Variants in ENPP7 observed in about 807,000 individuals in gnomAD.
The protein encoded by ENPP7 is ectonucleotide pyrophosphatase/phosphodiesterase 7.
A neutral mutation model predicts 33.6 loss-of-function variants in ENPP7; 39 were observed. The ratio of observed to expected loss-of-function variants is 1.16; its 90% CI spans 0.90 to 1.52. The LOEUF is 1.52. ENPP7 is among the 40% of genes most tolerant of loss of function. ENPP7 has a pLI of 0.00. For missense variants in ENPP7, 594 were observed against 641.0 expected (o/e 0.93, Z 0.79); for synonymous variants, 244 against 274.3 (o/e 0.89, Z 1.09).
Position 79,733,885 on chromosome 17 carries a change from C to T in ENPP7, c.399+232C>T, listed in dbSNP as rs190408846. Among the ~76,000 whole-genome samples the T allele has an allele frequency of 2.0e-4, 30 of 152,288 alleles. 1 individual carries two copies. The highest frequency in any genetic ancestry group is 5.3e-4 in the African/African-American group (22 of 41,554). On this transcript the variant is annotated intron_variant, in intron 2 of 5. Coordinates refer to ENST00000328313, the MANE Select transcript of ENPP7 (RefSeq NM_178543.5). ...CGTCCGGCTCGGCCCATGGACACAG[C>T]CCTGCCCGGTCCTCTCTGGGGGGCC...
At chr17:79,732,109 CAT>C (rs200923031) in intron 1 of ENPP7, among the ~76,000 whole-genome samples, 1 of 82,572 alleles carries the variant, frequency 1.2e-5, no homozygotes, top group Non-Finnish European at 2.4e-5. Flanking sequence ...TATATATATA[CAT>C]ATATATATAC....
chr17:79,740,966 G>A (rs560755530), intron 5 of ENPP7, among the ~76,000 whole-genome samples: 63 of 152,248 alleles, frequency 4.1e-4, no homozygotes, highest in Non-Finnish European at 4.4e-4. Flanking sequence ...GCTGTCTTCT[G>A]TGGCTAGCTT....
chr17:79,734,991 C>T (rs2094292386), intron 2 of ENPP7, 52 bp from the exon 3 acceptor site: 4 of 1,580,322 alleles, frequency 2.5e-6, no homozygotes, highest in Middle Eastern at 3.7e-4. Flanking sequence ...AGGCATGAGA[C>T]AAGGGGCAGC....
chr17:79,734,126 G>A (rs1333530188), intron 2 of ENPP7, among the ~76,000 whole-genome samples: 1 of 152,152 alleles, frequency 6.6e-6, no homozygotes, highest in African/African-American at 2.4e-5. Context: ...GTGGGTTACA[G>A]TATTGACCCA....
chr17:79,737,847 G>A lies in ENPP7; in HGVS notation c.1247-69G>A. ...CGTGGGGACCAACAGAGGACCCCGA[G>A]TTTACTGTGGAGAGGCTGGGGTGAG... On this transcript the variant is annotated intron_variant, in intron 4 of 5. Coordinates refer to ENST00000328313, the MANE Select transcript of ENPP7 (RefSeq NM_178543.5). The surrounding 1 kb of genome is among the most constrained non-coding windows in gnomAD (Gnocchi z 5.5). 6.4e-7 allele frequency: 1 copy of A among 1,569,336 alleles called. No individual in the cohort carries two copies. The highest frequency in any genetic ancestry group is 1.7e-5 in the Admixed American group (1 of 59,638).
chr17:79,736,549 G>A (rs1354472162), intron 3 of ENPP7, among the ~76,000 whole-genome samples: 1 of 147,224 alleles, frequency 6.8e-6, no homozygotes, highest in Non-Finnish European at 1.5e-5. Flanking sequence ...GTGTGTGTGT[G>A]TGTGTGTGTG....
chr17:79,731,417 C>T (rs1555822493), intron 1 of ENPP7, 25 bp downstream of exon 1: 1 of 1,591,562 alleles, frequency 6.3e-7, no homozygotes, highest in East Asian at 2.2e-5. Flanking sequence ...GTGACGGGGC[C>T]TGGGGGTGGG....
At position 79,740,442 on chromosome 17, in the gene ENPP7, C is replaced by T. The variant is rs147908951; in HGVS notation, c.*17-1352C>T. On this transcript the variant is annotated intron_variant, in intron 5 of 5. Transcript: ENST00000328313. Reference sequence around the variant, plus strand: ...AATGCCAGTTTTAAGGTCCTGGTCCCGAGTACTTTCAGCCACAACGCCTGC... The same window carrying T: ...AATGCCAGTTTTAAGGTCCTGGTCCTGAGTACTTTCAGCCACAACGCCTGC... 3.4e-3 allele frequency among the ~76,000 whole-genome samples: 522 copies of T among 152,142 alleles called. 2 individuals are homozygous for T. The highest frequency in any genetic ancestry group is 6.0e-3 in the Non-Finnish European group (406 of 67,994).
In ENPP7 at chr17:79,738,243, C is replaced by G; in HGVS notation, c.*16+181C>G. The G allele has an allele frequency of 3.3e-6, 2 of 603,612 alleles. No individual in the cohort carries two copies. Among genetic ancestry groups the G allele is most frequent in the South Asian group, 3.9e-5 (2 of 50,706 alleles). The allele number at this position is 603,612 out of a possible 1,614,324, so 37.4% of individuals were successfully genotyped here. A position where few individuals can be genotyped will look rare whatever the true frequency, so the allele number is the denominator to read the frequency against. On this transcript the variant is annotated intron_variant, in intron 5 of 5. Transcript: ENST00000328313. The surrounding 1 kb of genome is among the most constrained non-coding windows in gnomAD (Gnocchi z 6.2). ...CACCCCTGAGATCCCGAGGCTGACC[C>G]TTCCAGCCTCTCTGCTCTGGGCTTG...
chr17:79,733,988 A>AG (rs2094290782), intron 2 of ENPP7, among the ~76,000 whole-genome samples: 1 of 152,190 alleles, frequency 6.6e-6, no homozygotes, highest in African/African-American at 2.4e-5. Flanking sequence ...ATTGGGGGTG[A>AG]GGGTCGGACA....
At chr17:79,734,294 C>T (rs1039781682) in intron 2 of ENPP7, among the ~76,000 whole-genome samples, 10 of 152,036 alleles carry the variant, frequency 6.6e-5, no homozygotes, top group South Asian at 2.1e-4. Context: ...CCACTCAAGC[C>T]GGGGTTCCCT....
chr17:79,732,492 G>C (rs2094288359), intron 1 of ENPP7, among the ~76,000 whole-genome samples: 1 of 152,064 alleles, frequency 6.6e-6, no homozygotes, highest in Admixed American at 6.6e-5. Flanking sequence ...CTGGAGGCCA[G>C]AAGGCCAAAC....
At chr17:79,740,085 C>T (rs1053119102) in intron 5 of ENPP7, among the ~76,000 whole-genome samples, 5 of 152,102 alleles carry the variant, frequency 3.3e-5, no homozygotes, top group Admixed American at 6.6e-5. Flanking sequence ...ATCCCAGCTA[C>T]TGGCAGGGAG....
At chr17:79,733,403 C>T in intron 1 of ENPP7, 105 bp from the exon 2 acceptor site, 2 of 1,242,602 alleles carry the variant, frequency 1.6e-6, no homozygotes, top group Non-Finnish European at 1.2e-6. Context: ...ACCCAGCACA[C>T]AGGGAAACCT....
intron 2 of ENPP7, among the ~76,000 whole-genome samples, chr17:79,734,457 C>T (rs921337507): frequency 6.6e-6 from 1 of 150,408 alleles, no homozygotes; most frequent in Admixed American, 6.7e-5. Context: ...AGTGATGAGG[C>T]AGACACTGCG....
chr17:79,736,636 A>G (rs1555823665), intron 3 of ENPP7, among the ~76,000 whole-genome samples: 1 of 151,924 alleles, frequency 6.6e-6, no homozygotes, highest in Non-Finnish European at 1.5e-5. Context: ...TGGAAGAGGT[A>G]GGAAAGAGTC....
In ENPP7 at chr17:79,735,096, G is replaced by T. The variant is rs1273615107; in HGVS notation, c.453G>T (p.Gly151=). 5 of 1,613,040 alleles carry T rather than the reference G, an allele frequency of 3.1e-6. No homozygotes were observed. Among genetic ancestry groups the T allele is most frequent in the Non-Finnish European group, 4.2e-6 (5 of 1,180,038 alleles). The part of the protein sequence containing the change: ...FYPGGNVTYQ[G]VAVTRSRKEG... The stretch of plus-strand genomic sequence containing the variant: ...CGGGCGGGAACGTCACCTACCAAGG[G>T]GTGGCTGTGACGCGGAGCCGGAAAG... Residue 151 remains glycine, a synonymous_variant, in exon 3 of 6, where the codon GGG becomes GGT. Transcript: ENST00000328313. The surrounding 1 kb of genome is among the most constrained non-coding windows in gnomAD (Gnocchi z 5.5).
At position 79,738,693 on chromosome 17, in the gene ENPP7, C is replaced by G. The variant is rs903689334; in HGVS notation, c.*16+631C>G. On this transcript the variant is annotated intron_variant, in intron 5 of 5. Coordinates refer to ENST00000328313, the MANE Select transcript of ENPP7 (RefSeq NM_178543.5). The surrounding 1 kb of genome is among the most constrained non-coding windows in gnomAD (Gnocchi z 6.2). ...TCCGGGGCTGCGTTCCTGGAACTCT[C>G]TGGAAGCCCACCTCCAAGGACACGC... 1.3e-5 allele frequency: 2 copies of G among 151,810 alleles called. No homozygotes were observed. Among genetic ancestry groups the G allele is most frequent in the African/African-American group, 4.8e-5 (2 of 41,296 alleles). 9.4% of individuals were successfully genotyped at this position (151,810 alleles called of 1,614,324 possible). A position where few individuals can be genotyped will look rare whatever the true frequency, so the allele number is the denominator to read the frequency against.
At chr17:79,733,696 G>A in intron 2 of ENPP7, 43 bp downstream of exon 2, 4 of 1,551,530 alleles carry the variant, frequency 2.6e-6, no homozygotes, top group Non-Finnish European at 3.5e-6. Flanking sequence ...GAGCACGGGG[G>A]CACCTAGGCC....
Sources: gnomAD v4.1 joint callset for allele counts (sites outside exome capture counted in the v4.1 genomes callset) on GRCh38, gnomAD v4.1.1 for gene constraint, Gnocchi (gnomAD v3.1) non-coding constraint, MANE v1.5 for transcripts, NCBI Gene and HGNC (gene_info 2026-07-23, HGNC 2026-07-21) for gene names.